IGF2BP1: variants seen among roughly 807,000 people sequenced by gnomAD.
The protein encoded by IGF2BP1 is insulin like growth factor 2 mRNA binding protein 1.
A neutral mutation model predicts 74.9 loss-of-function variants in IGF2BP1; 11 were observed. The observed-to-expected ratio is 0.15, with a 90% CI of 0.09 to 0.24. The LOEUF (loss-of-function observed/expected upper bound fraction) is 0.24, where lower values mean the gene tolerates loss of function less well. Ranked by LOEUF, IGF2BP1 falls within the 10% of genes least tolerant of loss-of-function variation. IGF2BP1 has a pLI of 1.00. For synonymous variants in IGF2BP1, 287 were observed against 281.8 expected (o/e 1.02, Z -0.18); for missense variants, 440 against 757.4 (o/e 0.58, Z 4.92).
At position 49,054,911 on chromosome 17, in the gene IGF2BP1, C is replaced by CG. The variant is rs967497968; in HGVS notation, c.*5468dup. 2.6e-5 allele frequency: 4 copies of CG among 152,452 alleles called. No homozygotes were observed. Among genetic ancestry groups the CG allele is most frequent in the Non-Finnish European group, 4.4e-5 (3 of 68,030 alleles). 9.4% of individuals were successfully genotyped at this position (152,452 alleles called of 1,614,324 possible). Reference sequence around the variant, plus strand: ...GCGCGGTCCTTGGACTCATTCAGGCCGTCTTTGTAGTTGGGGGAGTTCCAC... The same window carrying CG: ...GCGCGGTCCTTGGACTCATTCAGGCCGGTCTTTGTAGTTGGGGGAGTTCCAC... On this transcript the variant is annotated 3_prime_UTR_variant, in exon 15 of 15. Coordinates refer to ENST00000290341, the MANE Select transcript of IGF2BP1 (RefSeq NM_006546.4).
At chr17:49,019,635 C>T (rs1301291244) in intron 2 of IGF2BP1, among the ~76,000 whole-genome samples, 1 of 151,620 alleles carries the variant, frequency 6.6e-6, no homozygotes, top group Non-Finnish European at 1.5e-5. Context: ...TTAGACATGT[C>T]ATTTTATTTG....
intron 2 of IGF2BP1, among the ~76,000 whole-genome samples, chr17:49,024,305 A>C (rs568672129): frequency 2.6e-5 from 4 of 152,014 alleles, no homozygotes; most frequent in Non-Finnish European, 5.9e-5. Flanking sequence ...CCAGCTATAC[A>C]GGAGGGTGGG....
chr17:49,003,881 G>GGGAGAGGGGTC (rs2041514760), intron 2 of IGF2BP1, among the ~76,000 whole-genome samples: 1 of 152,000 alleles, frequency 6.6e-6, no homozygotes, highest in Non-Finnish European at 1.5e-5. Flanking sequence ...TGTTACCCAC[G>GGGAGAGGGGTC]GGAGAGGGGT....
intron 2 of IGF2BP1, among the ~76,000 whole-genome samples, chr17:49,011,127 G>A (rs1263974399): frequency 1.0e-5 from 1 of 99,962 alleles, no homozygotes; most frequent in African/African-American, 4.0e-5. Context: ...AACAGAGTGA[G>A]ACTCTGTCTC....
At chr17:49,026,299 A>G in intron 3 of IGF2BP1, 167 bp from the exon 4 acceptor site, 2 of 593,620 alleles carry the variant, frequency 3.4e-6, no homozygotes, top group East Asian at 5.7e-5. Context: ...AAGATACCCC[A>G]TCAGCATTAG....
chr17:49,042,648 A>C (rs2042064736), intron 9 of IGF2BP1, among the ~76,000 whole-genome samples: 1 of 152,092 alleles, frequency 6.6e-6, no homozygotes, highest in Admixed American at 6.6e-5. Context: ...CACTTTATTG[A>C]AATGAGGGGG....
At chr17:48,999,010 C>A in intron 1 of IGF2BP1, 99 bp from the exon 2 acceptor site, 1 of 728,504 alleles carries the variant, frequency 1.4e-6, no homozygotes, top group East Asian at 2.7e-5. Flanking sequence ...TCTCGAATCC[C>A]AGTAACTCCT....
intron 7 of IGF2BP1, 135 bp downstream of exon 7, chr17:49,040,226 TA>T (rs1255688000): frequency 2.9e-6 from 3 of 1,038,148 alleles, no homozygotes; most frequent in Non-Finnish European, 4.2e-6. Context: ...AACTGAGAAA[TA>T]AAATCTTTCT....
At chr17:49,029,619 A>C (rs1168365018) in intron 4 of IGF2BP1, among the ~76,000 whole-genome samples, 3 of 151,954 alleles carry the variant, frequency 2.0e-5, no homozygotes, top group Admixed American at 2.0e-4. Context: ...AGGAAGGTTA[A>C]CTTTATGTAT....
intron 5 of IGF2BP1, among the ~76,000 whole-genome samples, chr17:49,032,350 TA>T (rs1424206926): frequency 6.6e-6 from 1 of 152,056 alleles, no homozygotes; most frequent in Non-Finnish European, 1.5e-5. Context: ...CATCTAGTGA[TA>T]ATGAGGGGGA....
At chr17:49,015,582 C>T (rs1296870338) in intron 2 of IGF2BP1, among the ~76,000 whole-genome samples, 1 of 152,248 alleles carries the variant, frequency 6.6e-6, no homozygotes, top group Admixed American at 6.5e-5. Flanking sequence ...TGTCCCCGTA[C>T]TGTAGGTTTG....
chr17:49,014,266 C>A (rs1412493964), intron 2 of IGF2BP1, among the ~76,000 whole-genome samples: 1 of 125,694 alleles, frequency 8.0e-6, no homozygotes, highest in East Asian at 2.9e-4. Context: ...CCATCTGTCT[C>A]CCCCTCAGTC....
At position 49,038,407 on chromosome 17, in the gene IGF2BP1, A is replaced by G. The variant is rs1355919908; in HGVS notation, c.641A>G (p.Glu214Gly). ...TATGTGGGTGCCATTATTGGCAAGGAGGGGGCCACCATCCGCAACATCACA... is the reference window on the plus strand; with the variant it reads ...TATGTGGGTGCCATTATTGGCAAGGGGGGGGCCACCATCCGCAACATCACA... ...TQYVGAIIGK[E>G]GATIRNITKQ... The change falls in exon 6 of 15, where the codon GAG (glutamate) becomes GGG (glycine). Residue 214 changes from glutamate to glycine, a missense_variant. Around this residue, in one of 5 missense-constraint regions of IGF2BP1, gnomAD observed 184 missense variants for 273.4 expected, o/e 0.67. Transcript: ENST00000290341. 1 of 1,580,250 alleles carries G rather than the reference A, an allele frequency of 6.3e-7. No individual in the cohort carries two copies. The highest frequency in any genetic ancestry group is 1.4e-5 in the African/African-American group (1 of 73,958).
intron 2 of IGF2BP1, among the ~76,000 whole-genome samples, chr17:49,023,311 A>G (rs543467567): frequency 1.3e-5 from 2 of 152,232 alleles, no homozygotes; most frequent in Non-Finnish European, 2.9e-5. Flanking sequence ...AAAGACAGAG[A>G]TTCTCTTCAA....
At chr17:49,010,429 G>T (rs958663564) in intron 2 of IGF2BP1, among the ~76,000 whole-genome samples, 3 of 147,590 alleles carry the variant, frequency 2.0e-5, no homozygotes, top group Non-Finnish European at 4.4e-5. Context: ...TCATTCTCCT[G>T]CCTCAGCCTC....
chr17:49,042,411 T>C (rs2042062043), intron 9 of IGF2BP1, 34 bp downstream of exon 9: 2 of 1,613,386 alleles, frequency 1.2e-6, no homozygotes, highest in Non-Finnish European at 1.7e-6. Flanking sequence ...GCTTATCCTT[T>C]CCTGAGTCTT....
chr17:49,033,493 C>T (rs2041948005), intron 5 of IGF2BP1, among the ~76,000 whole-genome samples: 1 of 151,974 alleles, frequency 6.6e-6, no homozygotes, highest in Admixed American at 6.6e-5. Flanking sequence ...CAGGTGTGGA[C>T]CACCACACCT....
At chr17:49,047,173 A>C (rs150746132) in intron 14 of IGF2BP1, among the ~76,000 whole-genome samples, 1 of 152,234 alleles carries the variant, frequency 6.6e-6, no homozygotes, top group Non-Finnish European at 1.5e-5. Context: ...CAGTGCCCAT[A>C]TAGTATAGCA....
intron 5 of IGF2BP1, chr17:49,036,442 C>T (rs1446904806): frequency 6.6e-6 from 1 of 151,044 alleles, no homozygotes; most frequent in Admixed American, 6.6e-5. Context: ...ATTTGTGAAG[C>T]GTTCCATCAA....
Sources: gnomAD v4.1 joint callset for allele counts (sites outside exome capture counted in the v4.1 genomes callset) on GRCh38, gnomAD v4.1.1 for gene constraint, gnomAD v4.1.1 regional missense constraint, MANE v1.5 for transcripts, NCBI Gene and HGNC (gene_info 2026-07-23, HGNC 2026-07-21) for gene names.